The following NRG3 variants were observed in gnomAD, a reference collection of about 807,000 sequenced individuals.
NRG3 encodes the protein pro-neuregulin-3, membrane-bound isoform.
NRG3 carries 31 observed loss-of-function variants against 66.9 expected under a neutral mutation model. The ratio of observed to expected loss-of-function variants is 0.46; its 90% CI spans 0.35 to 0.63. The LOEUF is 0.63. Among genes scored for constraint, NRG3 ranks in the 20% least tolerant of loss-of-function variants. The pLI is 0.00. For missense variants in NRG3, 910 were observed against 878.9 expected, an observed-to-expected ratio of 1.04 and a Z score of -0.45; for synonymous variants, 393 against 359.4, an observed-to-expected ratio of 1.09 and a Z score of -1.06.
At chr10:82,186,745 C>T (rs528762677) in intron 1 of NRG3, among the ~76,000 whole-genome samples, 3 of 152,240 alleles carry the variant, frequency 2.0e-5, no homozygotes, top group East Asian at 1.9e-4. Context: ...GCTTACACAC[C>T]GATGGAATTT....
intron 3 of NRG3, among the ~76,000 whole-genome samples, chr10:82,845,899 C>A (rs2063287946): frequency 6.6e-6 from 1 of 152,054 alleles, no homozygotes; most frequent in Non-Finnish European, 1.5e-5. Context: ...AGTGAGTAGA[C>A]CTCAAACTTA....
Position 82,025,429 on chromosome 10 carries a change from AT to A in NRG3, c.823+149272del, listed in dbSNP as rs575753067. On this transcript the variant is annotated intron_variant, in intron 1 of 8. Coordinates refer to ENST00000372141, the MANE Select transcript of NRG3 (RefSeq NM_001010848.4). ...CTTTGGAACATGAGTAATTTATAAT[AT>A]TTTTTCTTATAAATAATAGTATGTT... is the stretch of plus-strand genomic sequence containing the variant. Among the ~76,000 whole-genome samples the A allele has an allele frequency of 2.2e-3, 340 of 151,934 alleles. 3 individuals are homozygous for A. The highest frequency in any genetic ancestry group is 7.6e-3 in the African/African-American group (317 of 41,514).
chr10:82,135,206 C>G (rs2069242940), intron 1 of NRG3, among the ~76,000 whole-genome samples: 1 of 151,434 alleles, frequency 6.6e-6, no homozygotes, highest in African/African-American at 2.4e-5. Flanking sequence ...AATTCTGCTG[C>G]CACATATTCT....
chr10:82,025,551 T>G (rs1370876741), intron 1 of NRG3, among the ~76,000 whole-genome samples: 3 of 152,058 alleles, frequency 2.0e-5, no homozygotes, highest in African/African-American at 7.2e-5. Flanking sequence ...TTTTTCATAT[T>G]TATAATAAAC....
intron 4 of NRG3, among the ~76,000 whole-genome samples, chr10:82,945,276 A>G (rs1309739290): frequency 3.3e-5 from 5 of 152,180 alleles, no homozygotes; most frequent in Non-Finnish European, 7.3e-5. Context: ...ATACCTACAT[A>G]TCAGTTGATC....
At chr10:81,987,029 A>G (rs1193575556) in intron 1 of NRG3, among the ~76,000 whole-genome samples, 1 of 152,146 alleles carries the variant, frequency 6.6e-6, no homozygotes, top group African/African-American at 2.4e-5. Flanking sequence ...AATAGCACAT[A>G]TAACTTTGAA....
At chr10:82,916,783 T>G (rs2132023143) in intron 4 of NRG3, among the ~76,000 whole-genome samples, 1 of 152,202 alleles carries the variant, frequency 6.6e-6, no homozygotes, top group East Asian at 1.9e-4. Context: ...GCCCAGCTAA[T>G]TTTTGTATTT....
intron 4 of NRG3, among the ~76,000 whole-genome samples, chr10:82,950,221 A>G (rs1174075416): frequency 6.6e-6 from 1 of 152,208 alleles, no homozygotes; most frequent in African/African-American, 2.4e-5. Context: ...GAGAATGTAT[A>G]TAGATGCAAT....
intron 2 of NRG3, among the ~76,000 whole-genome samples, chr10:82,504,456 G>C (rs1294718224): frequency 1.3e-5 from 2 of 152,138 alleles, no homozygotes; most frequent in African/African-American, 2.4e-5. Flanking sequence ...CAGCACTTTG[G>C]ATGGTAAGGC....
intron 3 of NRG3, among the ~76,000 whole-genome samples, chr10:82,800,515 A>G (rs1189604936): frequency 3.3e-5 from 5 of 152,188 alleles, no homozygotes; most frequent in Non-Finnish European, 7.3e-5. Flanking sequence ...TACTGTGCTG[A>G]ATGTTATAGG....
chr10:82,580,194 A>C (rs1270377766), intron 2 of NRG3, among the ~76,000 whole-genome samples: 1 of 151,962 alleles, frequency 6.6e-6, no homozygotes, highest in Non-Finnish European at 1.5e-5. Flanking sequence ...AAATCTGTAG[A>C]TATGAAAGCC....
intron 2 of NRG3, among the ~76,000 whole-genome samples, chr10:82,393,520 T>C (rs1176539363): frequency 6.6e-6 from 1 of 152,098 alleles, no homozygotes; most frequent in African/African-American, 2.4e-5. Flanking sequence ...TGAAATACTG[T>C]AAGGAAGTTA....
At chr10:82,226,231 C>A (rs558876309) in intron 1 of NRG3, among the ~76,000 whole-genome samples, 6 of 152,228 alleles carry the variant, frequency 3.9e-5, no homozygotes, top group Non-Finnish European at 7.4e-5. Flanking sequence ...CTCTTTGAGA[C>A]CAGTTTTCCT....
intron 2 of NRG3, among the ~76,000 whole-genome samples, chr10:82,486,691 C>T (rs531523551): frequency 2.0e-5 from 3 of 152,134 alleles, no homozygotes; most frequent in Non-Finnish European, 2.9e-5. Context: ...GGATTACAGG[C>T]GTGAGCCACC....
At chr10:82,889,876 A>G (rs1027324504) in intron 4 of NRG3, among the ~76,000 whole-genome samples, 1 of 152,158 alleles carries the variant, frequency 6.6e-6, no homozygotes, top group Admixed American at 6.5e-5. Context: ...GCTGATGAGC[A>G]GCACTCCACC....
At chr10:82,189,926 C>G (rs1292007021) in intron 1 of NRG3, among the ~76,000 whole-genome samples, 2 of 152,084 alleles carry the variant, frequency 1.3e-5, no homozygotes, top group African/African-American at 2.4e-5. Flanking sequence ...TGGCATCACT[C>G]AACTCCAGCC....
intron 1 of NRG3, among the ~76,000 whole-genome samples, chr10:82,025,640 C>G (rs969183401): frequency 6.6e-6 from 1 of 152,030 alleles, no homozygotes; most frequent in Admixed American, 6.6e-5. Flanking sequence ...CTTACCAATA[C>G]TAAAATTAAG....
intron 1 of NRG3, among the ~76,000 whole-genome samples, chr10:82,307,673 T>TA (rs1341432377): frequency 6.6e-6 from 1 of 152,136 alleles, no homozygotes; most frequent in Non-Finnish European, 1.5e-5. Flanking sequence ...ATTTTCTTAT[T>TA]AAAATATCTG....
At chr10:81,900,048 A>G (rs1245283816) in intron 1 of NRG3, among the ~76,000 whole-genome samples, 6 of 151,850 alleles carry the variant, frequency 4.0e-5, no homozygotes, top group Admixed American at 3.3e-4. Flanking sequence ...CCCGTGTCCA[A>G]ATGATTCTCC....
Sources: allele counts gnomAD v4.1 joint callset (sites outside exome capture counted in the v4.1 genomes callset), GRCh38; gene constraint gnomAD v4.1.1; transcripts MANE v1.5; gene names NCBI Gene and HGNC (gene_info 2026-07-23, HGNC 2026-07-21).